The following UBXN7 variants were observed in gnomAD, a reference collection of about 807,000 sequenced individuals.
UBXN7 encodes the protein UBX domain protein 7.
A neutral mutation model predicts 58.0 loss-of-function variants in UBXN7; 9 were observed. The observed-to-expected ratio is 0.16, with a 90% CI of 0.09 to 0.27. The LOEUF is 0.27. UBXN7 is among the 10% of genes least tolerant of loss of function. The pLI, the probability that UBXN7 is intolerant of heterozygous loss-of-function variation, is 1.00. For missense variants in UBXN7, 328 were observed against 599.6 expected (o/e 0.55, Z 4.73); for synonymous variants, 208 against 205.0 (o/e 1.01, Z -0.12).
chr3:196,413,299 T>C (rs1045764452), intron 1 of UBXN7, among the ~76,000 whole-genome samples: 4 of 152,014 alleles, frequency 2.6e-5, no homozygotes, highest in East Asian at 1.9e-4. Flanking sequence ...GGTTGCTCCA[T>C]TGCACTTCAG....
chr3:196,415,178 G>A (rs1236077160), intron 1 of UBXN7, among the ~76,000 whole-genome samples: 7 of 139,356 alleles, frequency 5.0e-5, no homozygotes, highest in Non-Finnish European at 9.1e-5. Flanking sequence ...TTTTGAGACA[G>A]AGTCTCGTTC....
At chr3:196,430,224 A>G (rs1730983284) in intron 1 of UBXN7, among the ~76,000 whole-genome samples, 2 of 151,996 alleles carry the variant, frequency 1.3e-5, no homozygotes, top group South Asian at 4.2e-4. Context: ...GCCTGGTGAC[A>G]GGCGCTTGTA....
chr3:196,366,147 C>G (rs532464528), intron 8 of UBXN7, among the ~76,000 whole-genome samples: 22 of 152,224 alleles, frequency 1.4e-4, no homozygotes, highest in African/African-American at 5.1e-4. Flanking sequence ...TATACTATCC[C>G]TTAGGGCTTT....
intron 3 of UBXN7, among the ~76,000 whole-genome samples, chr3:196,401,274 A>AAT (rs780788392): frequency 0.016 from 573 of 36,838 alleles, 14 homozygotes; most frequent in Non-Finnish European, 0.02. Context: ...AAAAAAAAAA[A>AAT]ATATATATAT....
At chr3:196,386,154 T>G (rs548777117) in intron 5 of UBXN7, among the ~76,000 whole-genome samples, 2 of 151,960 alleles carry the variant, frequency 1.3e-5, no homozygotes, top group African/African-American at 4.8e-5. Context: ...AAGATGTGCT[T>G]TGTTAAACAG....
At chr3:196,378,739 T>C (rs1159817297) in intron 5 of UBXN7, among the ~76,000 whole-genome samples, 1 of 152,116 alleles carries the variant, frequency 6.6e-6, no homozygotes, top group Non-Finnish European at 1.5e-5. Flanking sequence ...ATCACCATGT[T>C]GGTTTTGGGG....
chr3:196,410,752 G>A (rs1489303410), intron 1 of UBXN7, among the ~76,000 whole-genome samples: 1 of 151,926 alleles, frequency 6.6e-6, no homozygotes, highest in Admixed American at 6.6e-5. Context: ...AACCTGGGAG[G>A]CGGAGGTTGC....
chr3:196,417,112 G>C (rs1440116236), intron 1 of UBXN7, among the ~76,000 whole-genome samples: 1 of 152,172 alleles, frequency 6.6e-6, no homozygotes, highest in South Asian at 2.1e-4. Flanking sequence ...AGGAGATCGA[G>C]ACCATCCTGG....
rs1728279605 is a variant in UBXN7 at position 196,353,985 on chromosome 3, A to G, written c.*2700T>C. The G allele has an allele frequency of 6.6e-6, 1 of 152,098 alleles. No individual in the cohort carries two copies. The highest frequency in any genetic ancestry group is 6.6e-5 in the Admixed American group (1 of 15,262). 9.4% of individuals were successfully genotyped at this position (152,098 alleles called of 1,614,324 possible). The stretch of plus-strand genomic sequence containing the variant: ...ATTCAATAAAACCTCTGCCCTAAGG[A>G]GCAAAGAAACTTGCAGAGGAAGTAA... On this transcript the variant is annotated 3_prime_UTR_variant, in exon 11 of 11. Transcript: ENST00000296328.
At chr3:196,413,940 T>C (rs1055813526) in intron 1 of UBXN7, among the ~76,000 whole-genome samples, 9 of 152,244 alleles carry the variant, frequency 5.9e-5, no homozygotes, top group Non-Finnish European at 1.3e-4. Context: ...ACAGTTGTTA[T>C]ACTATAGAGA....
rs567708662 is a variant in UBXN7, at chr3:196,356,682, G to A, written c.*3C>T. 5.6e-6 allele frequency: 9 copies of A among 1,595,364 alleles called. No individual in the cohort carries two copies. The African/African-American group carries it at 1.2e-4, about 22-fold the overall frequency. ...GTAAGCTGAGAGAGGTCAAGCCATG[G>A]TGTTAATTTCTTTCCTGTACAAAGA... On this transcript the variant is annotated 3_prime_UTR_variant, in exon 11 of 11. Coordinates refer to ENST00000296328, the MANE Select transcript of UBXN7 (RefSeq NM_015562.2).
intron 5 of UBXN7, among the ~76,000 whole-genome samples, chr3:196,375,650 A>G (rs1728995614): frequency 6.6e-6 from 1 of 152,192 alleles, no homozygotes; most frequent in South Asian, 2.1e-4. Context: ...TCAACATTTC[A>G]AAGCCATTAT....
At chr3:196,360,943 G>A (rs954954934) in intron 10 of UBXN7, among the ~76,000 whole-genome samples, 2 of 152,166 alleles carry the variant, frequency 1.3e-5, no homozygotes, top group Non-Finnish European at 2.9e-5. Context: ...GGGAGTCAAG[G>A]TTACAGTGAG....
chr3:196,350,486 T>A lies in UBXN7; in HGVS notation c.*6199A>T, dbSNP rs1356166632. 1 of 152,222 alleles carries A rather than the reference T, an allele frequency of 6.6e-6. No individual in the cohort carries two copies. The highest frequency in any genetic ancestry group is 1.5e-5 in the Non-Finnish European group (1 of 68,038). 9.4% of individuals were successfully genotyped at this position (152,222 alleles called of 1,614,324 possible). A position where few individuals can be genotyped will look rare whatever the true frequency, so the allele number is the denominator to read the frequency against. On this transcript the variant is annotated 3_prime_UTR_variant, in exon 11 of 11. Transcript: ENST00000296328. Reference sequence around the variant, plus strand: ...ACTTTGAAATGGAATTTCTTAAACATAGCCAATTACACTAAAAATCATAAC... The same window carrying A: ...ACTTTGAAATGGAATTTCTTAAACAAAGCCAATTACACTAAAAATCATAAC...
intron 5 of UBXN7, among the ~76,000 whole-genome samples, chr3:196,386,380 T>TAAAAAAAAAAAAAAAAAAA (rs34268326): frequency 1.7e-5 from 1 of 57,760 alleles, no homozygotes; most frequent in Non-Finnish European, 3.2e-5. Flanking sequence ...TAATAAACAC[T>TAAAAAAAAAAAAAAAAAAA]AAAAAAAAAA....
At chr3:196,396,048 G>A (rs1184285883) in intron 3 of UBXN7, among the ~76,000 whole-genome samples, 1 of 152,146 alleles carries the variant, frequency 6.6e-6, no homozygotes, top group African/African-American at 2.4e-5. Flanking sequence ...TTACAGGAGT[G>A]AGCTACTGAG....
intron 5 of UBXN7, among the ~76,000 whole-genome samples, chr3:196,380,710 A>G (rs12487829): frequency 0.13 from 19,194 of 152,274 alleles, 1,465 homozygotes; most frequent in South Asian, 0.2. Flanking sequence ...GGTCGGGGAA[A>G]TCATTTCCCT....
At chr3:196,389,811 T>C (rs187004922) in intron 5 of UBXN7, among the ~76,000 whole-genome samples, 10 of 152,308 alleles carry the variant, frequency 6.6e-5, no homozygotes, top group East Asian at 3.9e-4. Context: ...CAAGCTTACA[T>C]TGAAATTCCT....
rs1239258756 is a variant in UBXN7, at chr3:196,353,312, C to CGGGAGATTGAAGAGGCAAAT, written c.*3353_*3372dup. The CGGGAGATTGAAGAGGCAAAT allele has an allele frequency of 6.6e-6, 1 of 152,090 alleles. No individual in the cohort carries two copies. Among genetic ancestry groups the CGGGAGATTGAAGAGGCAAAT allele is most frequent in the Non-Finnish European group, 1.5e-5 (1 of 68,018 alleles). 9.4% of individuals were successfully genotyped at this position (152,090 alleles called of 1,614,324 possible). A position where few individuals can be genotyped will look rare whatever the true frequency, so the allele number is the denominator to read the frequency against. Reference sequence around the variant, plus strand: ...AAAGTATACATTTTGTACGATTCTTCGGGAGATTGAAGAGGCAAATGTACA... The same window carrying CGGGAGATTGAAGAGGCAAAT: ...AAAGTATACATTTTGTACGATTCTTCGGGAGATTGAAGAGGCAAATGGGAGATTGAAGAGGCAAATGTACA... On this transcript the variant is annotated 3_prime_UTR_variant, in exon 11 of 11. Transcript: ENST00000296328.
Sources: gnomAD v4.1 joint callset for allele counts (sites outside exome capture counted in the v4.1 genomes callset) on GRCh38, gnomAD v4.1.1 for gene constraint, MANE v1.5 for transcripts, NCBI Gene and HGNC (gene_info 2026-07-23, HGNC 2026-07-21) for gene names.